The following KDM3B variants were observed in gnomAD, a reference collection of about 807,000 sequenced individuals.
The protein encoded by KDM3B is lysine demethylase 3B.
A neutral mutation model predicts 170.0 loss-of-function variants in KDM3B; 10 were observed. That is an observed-to-expected ratio of 0.06 (90% CI 0.04 to 0.10). The LOEUF is 0.10. Ranked by LOEUF, KDM3B falls within the 10% of genes least tolerant of loss-of-function variation. The pLI, the probability that KDM3B is intolerant of heterozygous loss-of-function variation, is 1.00. For synonymous variants in KDM3B, 831 were observed against 834.8 expected, an observed-to-expected ratio of 1.00 and a Z score of 0.08; for missense variants, 1,394 against 2,195.2, an observed-to-expected ratio of 0.64 and a Z score of 7.29.
chr5:138,428,046 G>T lies in KDM3B; in HGVS notation c.4713G>T (p.Val1571=). The T allele has an allele frequency of 1.9e-6, 3 of 1,613,584 alleles. No homozygotes were observed. The highest frequency in any genetic ancestry group is 2.5e-6 in the Non-Finnish European group (3 of 1,179,496). ...LDVSDAVNVM[V]YVGIPIGEGA... ...TGTCTGATGCTGTTAATGTGATGGT[G>T]TATGTTGGGATTCCCATCGGGGAGG... The change falls in exon 20 of 24, where the codon GTG becomes GTT. Residue 1571 remains valine (V), a synonymous_variant. Coordinates refer to ENST00000314358, the MANE Select transcript of KDM3B (RefSeq NM_016604.4).
At chr5:138,390,967 T>C in intron 7 of KDM3B, 46 bp from the exon 8 acceptor site, 2 of 1,491,846 alleles carry the variant, frequency 1.3e-6, no homozygotes, top group Non-Finnish European at 9.0e-7. Flanking sequence ...ATCATTAGAT[T>C]GTCATGAGAA....
chr5:138,418,803 A>C (rs1763175437), intron 13 of KDM3B, 150 bp from the exon 14 acceptor site: 1 of 784,584 alleles, frequency 1.3e-6, no homozygotes, highest in Non-Finnish European at 2.1e-6. Flanking sequence ...AGGACTCAAT[A>C]AATATATGTT....
intron 9 of KDM3B, among the ~76,000 whole-genome samples, chr5:138,397,154 AC>A (rs1762568411): frequency 1.3e-5 from 2 of 151,402 alleles, no homozygotes; most frequent in Non-Finnish European, 2.9e-5. Flanking sequence ...ACATGGTAAA[AC>A]CCCGTCTCTA....
intron 9 of KDM3B, among the ~76,000 whole-genome samples, chr5:138,397,495 G>T (rs1214704306): frequency 1.3e-5 from 2 of 151,504 alleles, no homozygotes; most frequent in South Asian, 4.2e-4. Context: ...GTAACAGAAC[G>T]CAACTTTGTC....
chr5:138,435,083 T>G (rs1763639288), intron 23 of KDM3B, among the ~76,000 whole-genome samples: 1 of 152,234 alleles, frequency 6.6e-6, no homozygotes, highest in Non-Finnish European at 1.5e-5. Flanking sequence ...TAACTTTTAT[T>G]GTGTGTTCCA....
chr5:138,388,053 C>A (rs1459075644), intron 7 of KDM3B, among the ~76,000 whole-genome samples: 1 of 151,968 alleles, frequency 6.6e-6, no homozygotes, highest in African/African-American at 2.4e-5. Context: ...TGCACTCCAG[C>A]CTGGGCGACA....
intron 10 of KDM3B, among the ~76,000 whole-genome samples, chr5:138,398,785 C>A (rs989971222): frequency 1.3e-5 from 2 of 152,062 alleles, no homozygotes; most frequent in African/African-American, 4.8e-5. Context: ...ATACCTAGAA[C>A]CCACATTATT....
intron 9 of KDM3B, among the ~76,000 whole-genome samples, chr5:138,396,734 G>A (rs567492861): frequency 1.3e-5 from 2 of 152,122 alleles, no homozygotes; most frequent in African/African-American, 4.8e-5. Context: ...TTTCTCAGTG[G>A]AATAGAAAAC....
At chr5:138,369,431 A>T (rs572515927) in intron 1 of KDM3B, among the ~76,000 whole-genome samples, 1 of 151,692 alleles carries the variant, frequency 6.6e-6, no homozygotes, top group South Asian at 2.1e-4. Context: ...ATTACCCCCA[A>T]CTCTGGGTCA....
At chr5:138,368,587 G>A (rs1379023710) in intron 1 of KDM3B, among the ~76,000 whole-genome samples, 1 of 152,004 alleles carries the variant, frequency 6.6e-6, no homozygotes, top group Non-Finnish European at 1.5e-5. Flanking sequence ...TTTCATTTTT[G>A]TAGCCAGGAA....
intron 11 of KDM3B, among the ~76,000 whole-genome samples, chr5:138,412,346 A>AT (rs1299906506): frequency 1.2e-4 from 18 of 147,550 alleles, no homozygotes; most frequent in Non-Finnish European, 3.0e-5. Context: ...CAAAAAAAAA[A>AT]GACATGTTTA....
chr5:138,376,422 C>T (rs993948109), intron 3 of KDM3B, among the ~76,000 whole-genome samples: 1 of 151,860 alleles, frequency 6.6e-6, no homozygotes, highest in Admixed American at 6.6e-5. Context: ...GAGGTGGCTT[C>T]GGCCAGGCGC....
Position 138,415,229 on chromosome 5 carries a change from T to A in KDM3B, c.3297T>A (p.Ile1099=). 1 of 1,601,494 alleles carries A rather than the reference T, an allele frequency of 6.2e-7. No homozygotes were observed. Among genetic ancestry groups the A allele is most frequent in the Non-Finnish European group, 8.5e-7 (1 of 1,170,322 alleles). ...EPENLMPTQI[I]PGTALYNIGD... ...AGAATCTCATGCCCACACAAATTAT[T>A]CCTGGCACAGGTAAGGAAATTCCTT... The change falls in exon 12 of 24, where the codon ATT becomes ATA. Residue 1099 remains isoleucine (I), a synonymous_variant. Transcript: ENST00000314358.
At chr5:138,400,069 G>A (rs1762644413) in intron 11 of KDM3B, 57 bp downstream of exon 11, 1 of 1,556,522 alleles carries the variant, frequency 6.4e-7, no homozygotes, top group Non-Finnish European at 8.8e-7. Flanking sequence ...TGTCCAAGAT[G>A]TTGTGGGATT....
chr5:138,368,536 G>A (rs1162646997), intron 1 of KDM3B, among the ~76,000 whole-genome samples: 4 of 152,008 alleles, frequency 2.6e-5, no homozygotes, highest in East Asian at 1.9e-4. Context: ...GGGCCACAGC[G>A]TCCCACTTGA....
chr5:138,394,226 T>C (rs1762498687), intron 9 of KDM3B, among the ~76,000 whole-genome samples: 1 of 152,042 alleles, frequency 6.6e-6, no homozygotes, highest in African/African-American at 2.4e-5. Context: ...TTTTAAAAAT[T>C]AGCCGAGTGT....
intron 15 of KDM3B, among the ~76,000 whole-genome samples, chr5:138,422,609 C>A (rs1423746165): frequency 2.0e-5 from 3 of 152,122 alleles, no homozygotes; most frequent in Admixed American, 2.0e-4. Flanking sequence ...CACCGCACTC[C>A]AGCCTGGGTG....
At chr5:138,431,229 A>G (rs1464034341) in intron 22 of KDM3B, among the ~76,000 whole-genome samples, 196 bp from the exon 23 acceptor site, 1 of 152,044 alleles carries the variant, frequency 6.6e-6, no homozygotes, top group Non-Finnish European at 1.5e-5. Context: ...AAGTGCTGGG[A>G]TTACAGGCAT....
intron 9 of KDM3B, among the ~76,000 whole-genome samples, chr5:138,396,661 A>G (rs902024835): frequency 2.0e-5 from 3 of 151,988 alleles, no homozygotes; most frequent in South Asian, 4.2e-4. Context: ...ACGTGGGCCA[A>G]GTTGCAGGGA....
Sources: allele counts gnomAD v4.1 joint callset (sites outside exome capture counted in the v4.1 genomes callset), GRCh38; gene constraint gnomAD v4.1.1; transcripts MANE v1.5; gene names NCBI Gene and HGNC (gene_info 2026-07-23, HGNC 2026-07-21).